MTMR14: variants seen among roughly 807,000 people sequenced by gnomAD.
MTMR14 encodes phosphatidylinositol-3,5-bisphosphate 3-phosphatase MTMR14.
In MTMR14, 48 loss-of-function variants were observed where a neutral mutation model predicts 86.3. The ratio of observed to expected loss-of-function variants is 0.56; its 90% confidence interval spans 0.44 to 0.71. The LOEUF is 0.71. Among genes scored for constraint, MTMR14 ranks in the 30% least tolerant of loss-of-function variants. MTMR14 has a pLI of 0.00. For missense variants in MTMR14, 780 were observed against 834.6 expected (o/e 0.93, Z 0.81); for synonymous variants, 366 against 326.1 (o/e 1.12, Z -1.32).
Position 9,677,175 on chromosome 3 carries a change from C to G in MTMR14, c.752-142C>G. ...TTTTGCCCACCCGTGTCAGCCTTGGCCTCACTGAAGCCACTAGCTTGGAGA... is the reference window on the plus strand; with the variant it reads ...TTTTGCCCACCCGTGTCAGCCTTGGGCTCACTGAAGCCACTAGCTTGGAGA... On this transcript the variant is annotated intron_variant, in intron 7 of 18. Coordinates refer to ENST00000296003, the MANE Select transcript of MTMR14 (RefSeq NM_001077525.3). The surrounding 1 kb of genome is among the most constrained non-coding windows in gnomAD (Gnocchi z 4.2). The G allele has an allele frequency of 1.4e-6, 1 of 720,806 alleles. No individual in the cohort carries two copies. The allele number at this position is 720,806 out of a possible 1,614,324, so 44.7% of individuals were successfully genotyped here.
intron 11 of MTMR14, 26 bp downstream of exon 11, chr3:9,684,696 G>A (rs771155513): frequency 1.2e-6 from 2 of 1,612,982 alleles, no homozygotes; most frequent in Non-Finnish European, 8.5e-7. Flanking sequence ...CCCCTACCAA[G>A]CTCTGCTCTT....
chr3:9,673,626 A>G (rs2048693239), intron 7 of MTMR14, among the ~76,000 whole-genome samples: 1 of 152,138 alleles, frequency 6.6e-6, no homozygotes. Flanking sequence ...CCACATAGCC[A>G]TGAGCAAGGG....
In MTMR14 at chr3:9,689,936, G is replaced by T. The variant is rs530697393; in HGVS notation, c.1434-28G>T. ...AGGGCTTTGCCTGCAGTGGCCCCCGGCTCACAGCCCTGCTCCTTCCACTGC... is the reference window on the plus strand; with the variant it reads ...AGGGCTTTGCCTGCAGTGGCCCCCGTCTCACAGCCCTGCTCCTTCCACTGC... On this transcript the variant is annotated intron_variant, in intron 16 of 18. Coordinates refer to ENST00000296003, the MANE Select transcript of MTMR14 (RefSeq NM_001077525.3). The T allele has an allele frequency of 7.5e-6, 12 of 1,598,066 alleles. No homozygotes were observed. In the South Asian group the frequency reaches 1.1e-4, roughly 15 times the overall value.
chr3:9,701,833 C>T lies in MTMR14; in HGVS notation c.1813C>T (p.Arg605Cys), dbSNP rs747888856. 1.7e-5 allele frequency: 27 copies of T among 1,613,772 alleles called. No individual in the cohort carries two copies. The highest frequency in any genetic ancestry group is 3.3e-5 in the Admixed American group (2 of 60,030). The change falls in exon 19 of 19, where the codon CGC becomes TGC. Residue 605 changes from arginine to cysteine, a missense_variant. Coordinates refer to ENST00000296003, the MANE Select transcript of MTMR14 (RefSeq NM_001077525.3). This position sits in a 1 kb window ranked among gnomAD's most constrained non-coding sequence, Gnocchi z 4.2. ...TCGAGAGACTCGGCTGCAGGAGGTGCGCTCAGCCTTCTTGGCTGCGTACAG... is the reference window on the plus strand; with the variant it reads ...TCGAGAGACTCGGCTGCAGGAGGTGTGCTCAGCCTTCTTGGCTGCGTACAG... ...SDRETRLQEV[R>C]SAFLAAYSST...
intron 10 of MTMR14, among the ~76,000 whole-genome samples, chr3:9,684,360 C>T (rs2075866498): frequency 6.6e-6 from 1 of 152,144 alleles, no homozygotes; most frequent in Non-Finnish European, 1.5e-5. Flanking sequence ...CCCAGAAGTA[C>T]ACTGAGAACT....
At chr3:9,661,104 C>T (rs1337266379) in intron 2 of MTMR14, among the ~76,000 whole-genome samples, 1 of 152,208 alleles carries the variant, frequency 6.6e-6, no homozygotes, top group African/African-American at 2.4e-5. Context: ...TCACACATGG[C>T]TTCTCTTATG....
At chr3:9,681,492 G>A (rs1463822969) in intron 9 of MTMR14, among the ~76,000 whole-genome samples, 1 of 152,210 alleles carries the variant, frequency 6.6e-6, no homozygotes, top group Non-Finnish European at 1.5e-5. Flanking sequence ...GTTTTTACCA[G>A]TGGTCACAGA....
At chr3:9,651,027 T>C (rs1428768689) in intron 1 of MTMR14, among the ~76,000 whole-genome samples, 4 of 152,110 alleles carry the variant, frequency 2.6e-5, no homozygotes, top group Non-Finnish European at 5.9e-5. Flanking sequence ...TGAGCTCAGG[T>C]GATCCGCCTA....
intron 16 of MTMR14, among the ~76,000 whole-genome samples, chr3:9,689,335 A>G (rs1030521844): frequency 2.6e-5 from 4 of 152,264 alleles, no homozygotes; most frequent in African/African-American, 9.6e-5. Context: ...TGGGCAGGGT[A>G]GGGCAGGGGT....
At chr3:9,666,121 C>T (rs548562093) in intron 3 of MTMR14, among the ~76,000 whole-genome samples, 1 of 148,866 alleles carries the variant, frequency 6.7e-6, no homozygotes, top group East Asian at 2.0e-4. Flanking sequence ...TTAAAATGCC[C>T]AAAGTTTGTT....
rs2076477275 is a variant in MTMR14, at chr3:9,702,055, G to T, written c.*82G>T. 2.6e-6 allele frequency: 4 copies of T among 1,561,452 alleles called. No individual in the cohort carries two copies. The highest frequency in any genetic ancestry group is 2.2e-5 in the South Asian group (2 of 89,378). The stretch of plus-strand genomic sequence containing the variant: ...ATCAAAGCCATGCCTGGCCGAAGGG[G>T]TACTTCCAGGTCAGGGGAAATTTCA... On this transcript the variant is annotated 3_prime_UTR_variant, in exon 19 of 19. Coordinates refer to ENST00000296003, the MANE Select transcript of MTMR14 (RefSeq NM_001077525.3).
chr3:9,675,979 G>T (rs911795912), intron 7 of MTMR14, among the ~76,000 whole-genome samples: 1 of 152,218 alleles, frequency 6.6e-6, no homozygotes, highest in African/African-American at 2.4e-5. Flanking sequence ...GAGGCCTGGG[G>T]ATTAGAGTGC....
chr3:9,649,652 G>A lies in MTMR14; in HGVS notation c.69G>A (p.Pro23=). ...CCTCGGCCTCTTCAGGCAACCAGCC[G>A]CCTCAGGAGCTGGGGCTTGGGGAGC... The part of the protein sequence containing the change: ...AGSSASSGNQ[P]PQELGLGELL... Residue 23 remains proline (P), a synonymous_variant, in exon 1 of 19, where the codon CCG becomes CCA. Transcript: ENST00000296003. 6.3e-7 allele frequency: 1 copy of A among 1,588,046 alleles called. No homozygotes were observed. Among genetic ancestry groups the A allele is most frequent in the South Asian group, 1.1e-5 (1 of 87,656 alleles).
chr3:9,659,775 G>T (rs530706570), intron 2 of MTMR14: 1 of 456,670 alleles, frequency 2.2e-6, no homozygotes, highest in Non-Finnish European at 4.4e-6. Flanking sequence ...TAGGGGAACC[G>T]GTAAAGGAAC....
At position 9,684,881 on chromosome 3, in the gene MTMR14, C is replaced by T; in HGVS notation, c.1051-7C>T. 2 of 1,614,036 alleles carry T rather than the reference C, an allele frequency of 1.2e-6. No individual in the cohort carries two copies. The highest frequency in any genetic ancestry group is 1.6e-4 in the Middle Eastern group (1 of 6,062). On this transcript the variant is annotated splice_polypyrimidine_tract_variant and splice_region_variant and intron_variant, in intron 11 of 18. Transcript: ENST00000296003. ...GGCTCTGTCACATCTCCTGTGGTCT[C>T]TTCCAGGATGGGCTCATCCACACGT...
At chr3:9,661,010 C>G (rs1040708104) in intron 2 of MTMR14, among the ~76,000 whole-genome samples, 1 of 152,150 alleles carries the variant, frequency 6.6e-6, no homozygotes, top group Non-Finnish European at 1.5e-5. Context: ...GTATGACTTG[C>G]TGGAGCTAAC....
chr3:9,701,988 G>A lies in MTMR14; in HGVS notation c.*15G>A. ...ATGCCTTGTGAAGAAGCCAGCCCAT[G>A]ACATTTTCCTGCTCCTCTCTCAGCT... On this transcript the variant is annotated 3_prime_UTR_variant, in exon 19 of 19. Transcript: ENST00000296003. This position sits in a 1 kb window ranked among gnomAD's most constrained non-coding sequence, Gnocchi z 4.2. 2 of 1,613,914 alleles carry A rather than the reference G, an allele frequency of 1.2e-6. No homozygotes were observed. Among genetic ancestry groups the A allele is most frequent in the Non-Finnish European group, 1.7e-6 (2 of 1,180,038 alleles).
chr3:9,689,015 GCCAC>G lies in MTMR14; in HGVS notation c.1367_1370del (p.Ala456ValfsTer103). Reference sequence around the variant, plus strand: ...CCTGGTCATGGAGAGTTCCCCAGGAGCCACTGGGAGCTTCACCTATGAGGCCGTG... The same window carrying G: ...CCTGGTCATGGAGAGTTCCCCAGGAGTGGGAGCTTCACCTATGAGGCCGTG... On this transcript the variant is annotated frameshift_variant, in exon 16 of 19. Coordinates refer to ENST00000296003, the MANE Select transcript of MTMR14 (RefSeq NM_001077525.3). LOFTEE classifies it high-confidence loss of function. The G allele has an allele frequency of 6.2e-7, 1 of 1,613,920 alleles. No homozygotes were observed. Among genetic ancestry groups the G allele is most frequent in the Non-Finnish European group, 8.5e-7 (1 of 1,180,020 alleles).
Position 9,701,307 on chromosome 3 carries a change from G to A in MTMR14, c.1770-483G>A. 1 of 200,388 alleles carries A rather than the reference G, an allele frequency of 5.0e-6. No individual in the cohort carries two copies. Among genetic ancestry groups the A allele is most frequent in the Non-Finnish European group, 1.0e-5 (1 of 96,714 alleles). The allele number at this position is 200,388 out of a possible 1,614,324, so 12.4% of individuals were successfully genotyped here. ...AGGCCAGGCACAGTTGCTCACGCCTGTAATCCCAGTACTGTGGGACGCCAA... is the reference window on the plus strand; with the variant it reads ...AGGCCAGGCACAGTTGCTCACGCCTATAATCCCAGTACTGTGGGACGCCAA... On this transcript the variant is annotated intron_variant, in intron 18 of 18. Coordinates refer to ENST00000296003, the MANE Select transcript of MTMR14 (RefSeq NM_001077525.3). The surrounding 1 kb of genome is among the most constrained non-coding windows in gnomAD (Gnocchi z 4.2).
Sources: gnomAD v4.1 joint callset for allele counts (sites outside exome capture counted in the v4.1 genomes callset) on GRCh38, gnomAD v4.1.1 for gene constraint, Gnocchi (gnomAD v3.1) non-coding constraint, MANE v1.5 for transcripts, NCBI Gene and HGNC (gene_info 2026-07-23, HGNC 2026-07-21) for gene names.